The following TBL1Y variants were observed in gnomAD, a reference collection of about 807,000 sequenced individuals.
TBL1Y encodes the protein F-box-like/WD repeat-containing protein TBL1Y.
TBL1Y carries 15 observed loss-of-function variants against 12.0 expected under a neutral mutation model. The observed-to-expected ratio is 1.25, with a 90% CI of 0.83 to 1.92. The LOEUF (loss-of-function observed/expected upper bound fraction) is 1.92. Among genes scored for constraint, TBL1Y ranks in the 40% most tolerant of loss-of-function variants. The pLI is 0.00. For missense variants in TBL1Y, 148 were observed against 116.7 expected, an observed-to-expected ratio of 1.27 and a Z score of -1.24; for synonymous variants, 53 against 42.6, an observed-to-expected ratio of 1.24 and a Z score of -0.95.
At chrY:6,958,679 C>A in intron 2 of TBL1Y, among the ~76,000 whole-genome samples, 2 of 33,279 alleles carry the variant, frequency 6.0e-5, no homozygotes, top group African/African-American at 2.4e-4. Context: ...ATAGAATCTA[C>A]GTCATAATTA....
Position 6,942,895 on chromosome Y carries a change from A to G in TBL1Y, c.-266+30723A>G, listed in dbSNP as rs527985576. ...GCTTTGGAACGCTGAGGTTGGTAGG[A>G]TTGCTTGAGTCCAGTAGGTCAAAGC... is the stretch of plus-strand genomic sequence containing the variant. On this transcript the variant is annotated intron_variant, in intron 2 of 18. Transcript: ENST00000383032. Among the ~76,000 whole-genome samples, 291 of 32,478 alleles carry G rather than the reference A, an allele frequency of 9.0e-3. No homozygotes were observed. In the South Asian group the frequency reaches 0.21, roughly 24 times the overall value. The allele number at this position is 32,478 out of a possible 37,273, so 87.1% of individuals were successfully genotyped here.
At position 7,064,035 on chromosome Y, in the gene TBL1Y, G is replaced by A; in HGVS notation, c.343G>A (p.Ala115Thr). 1 of 398,627 alleles carries A rather than the reference G, an allele frequency of 2.5e-6. No individual in the cohort carries two copies. Among genetic ancestry groups the A allele is most frequent in the Non-Finnish European group, 3.5e-6 (1 of 283,587 alleles). ...GCAAGCCAGTGCAGCAGCCACAGAG[G>A]CATCAGCAATGGCAAAGGCGGCAAC... Reference protein sequence around the residue: ...QQQASAAATEASAMAKAATMT... With the variant: ...QQQASAAATETSAMAKAATMT... Residue 115 changes from alanine to threonine, a missense_variant, in exon 8 of 19, where the codon GCA (alanine) becomes ACA (threonine). Ala to Thr is a moderately conservative substitution (Grantham distance 58). Coordinates refer to ENST00000383032, the MANE Select transcript of TBL1Y (RefSeq NM_033284.2).
At chrY:6,973,965 G>A (rs2012223159) in intron 2 of TBL1Y, among the ~76,000 whole-genome samples, 1 of 32,992 alleles carries the variant, frequency 3.0e-5, no homozygotes, top group African/African-American at 1.2e-4. Flanking sequence ...TTAATTATTA[G>A]GTGTTTGCTC....
chrY:6,924,587 C>CA (rs772610519), intron 2 of TBL1Y, among the ~76,000 whole-genome samples: 9 of 5,746 alleles, frequency 1.6e-3, no homozygotes, highest in East Asian at 4.5e-3. Flanking sequence ...GACTCTGTCT[C>CA]AAAAAAAAAA....
At chrY:7,054,979 C>T in intron 7 of TBL1Y, among the ~76,000 whole-genome samples, 1 of 33,303 alleles carries the variant, frequency 3.0e-5, no homozygotes, top group Non-Finnish European at 7.4e-5. Context: ...AGCAAGGACG[C>T]CCCCCCAGGT....
chrY:6,934,853 C>CT lies in TBL1Y; in HGVS notation c.-266+22690dup, dbSNP rs2011892018. ...CTGGTGTAAGCCACCACACCCAATC[C>CT]TTTTTTTTTCCTTTTTATATCAAGA... On this transcript the variant is annotated intron_variant, in intron 2 of 18. Transcript: ENST00000383032. 2.2e-4 allele frequency among the ~76,000 whole-genome samples: 7 copies of CT among 31,113 alleles called. No homozygotes were observed. In the South Asian group the frequency reaches 5.3e-3, roughly 24 times the overall value. 83.5% of individuals were successfully genotyped at this position (31,113 alleles called of 37,273 possible). A position where few individuals can be genotyped will look rare whatever the true frequency, so the allele number is the denominator to read the frequency against.
At chrY:7,067,691 T>G (rs910441302) in intron 8 of TBL1Y, among the ~76,000 whole-genome samples, 9 of 33,288 alleles carry the variant, frequency 2.7e-4, no homozygotes, top group Non-Finnish European at 6.6e-4. Context: ...GCCACCTTTG[T>G]ACACATGGTT....
chrY:7,003,047 TC>T (rs2012462706), intron 4 of TBL1Y, among the ~76,000 whole-genome samples: 1 of 34,097 alleles, frequency 2.9e-5, no homozygotes, highest in South Asian at 6.7e-4. Context: ...ATTACTATAA[TC>T]TTTACTATTA....
At chrY:7,063,391 G>C (rs2012905842) in intron 7 of TBL1Y, among the ~76,000 whole-genome samples, 1 of 33,388 alleles carries the variant, frequency 3.0e-5, no homozygotes, top group Non-Finnish European at 7.4e-5. Context: ...TCCGCAATTG[G>C]CTAGGGTTAG....
intron 7 of TBL1Y, 28 bp downstream of exon 7, chrY:7,043,153 A>G: frequency 2.5e-6 from 1 of 396,854 alleles, no homozygotes; most frequent in Non-Finnish European, 3.5e-6. Context: ...CTGGCCCCCA[A>G]ACAGCAGAGC....
intron 2 of TBL1Y, among the ~76,000 whole-genome samples, chrY:6,934,564 T>G: frequency 2.9e-5 from 1 of 34,038 alleles, no homozygotes; most frequent in African/African-American, 1.1e-4. Context: ...CACTTTCAAC[T>G]GTCCATACAC....
chrY:6,976,731 C>T (rs746732726), intron 2 of TBL1Y, among the ~76,000 whole-genome samples: 2 of 33,659 alleles, frequency 5.9e-5, no homozygotes, highest in East Asian at 1.6e-3. Flanking sequence ...ATGATGGCAT[C>T]TGCTAACTTT....
intron 2 of TBL1Y, among the ~76,000 whole-genome samples, chrY:6,975,036 C>T (rs2012228892): frequency 6.0e-5 from 2 of 33,221 alleles, no homozygotes. Flanking sequence ...ATTTGGTTTA[C>T]GTAGCTAGAC....
chrY:6,977,378 T>G, intron 2 of TBL1Y, among the ~76,000 whole-genome samples: 1 of 33,083 alleles, frequency 3.0e-5, no homozygotes, highest in Non-Finnish European at 7.4e-5. Context: ...AATACACAAG[T>G]CCCAGAGAAC....
intron 5 of TBL1Y, among the ~76,000 whole-genome samples, chrY:7,024,296 A>G (rs2012608538): frequency 3.0e-5 from 1 of 33,066 alleles, no homozygotes; most frequent in Non-Finnish European, 7.4e-5. Context: ...TGGTATTTCT[A>G]GTTCTAGATC....
chrY:7,002,195 C>T, intron 4 of TBL1Y, among the ~76,000 whole-genome samples: 1 of 34,361 alleles, frequency 2.9e-5, no homozygotes. Context: ...GAGGCCCATG[C>T]CCTCATGGAG....
At chrY:7,003,168 G>C in intron 4 of TBL1Y, among the ~76,000 whole-genome samples, 1 of 33,986 alleles carries the variant, frequency 2.9e-5, no homozygotes, top group Non-Finnish European at 7.3e-5. Context: ...CTAATCAGTG[G>C]CTGGATGCCA....
At chrY:7,069,435 G>C in intron 8 of TBL1Y, among the ~76,000 whole-genome samples, 1 of 33,705 alleles carries the variant, frequency 3.0e-5, no homozygotes, top group Non-Finnish European at 7.3e-5. Context: ...CAAGGTGAGG[G>C]CAGGGATGGT....
chrY:7,028,805 G>T (rs930638612), intron 6 of TBL1Y, among the ~76,000 whole-genome samples: 1 of 32,378 alleles, frequency 3.1e-5, no homozygotes, highest in African/African-American at 1.2e-4. Flanking sequence ...GAATCACATG[G>T]TGACCATGTG....
Sources: gnomAD v4.1 joint callset for allele counts (sites outside exome capture counted in the v4.1 genomes callset) on GRCh38, gnomAD v4.1.1 for gene constraint, MANE v1.5 for transcripts, NCBI Gene and HGNC (gene_info 2026-07-23, HGNC 2026-07-21) for gene names.